Variants in LRRTM4 observed in about 807,000 individuals in gnomAD.
LRRTM4 encodes the protein leucine rich repeat transmembrane neuronal 4, also known as leucine-rich repeat transmembrane neuronal protein 4.
LRRTM4 carries 25 observed loss-of-function variants against 47.6 expected under a neutral mutation model. That is an observed-to-expected ratio of 0.53 (90% confidence interval 0.38 to 0.73). The LOEUF (loss-of-function observed/expected upper bound fraction) is 0.73, where lower values mean the gene tolerates loss of function less well. Among genes scored for constraint, LRRTM4 ranks in the 30% least tolerant of loss-of-function variants. LRRTM4 has a pLI of 0.00. For missense variants in LRRTM4, 638 were observed against 713.4 expected (o/e 0.89, Z 1.20); for synonymous variants, 311 against 269.5 (o/e 1.15, Z -1.51).
chr2:76,782,816 C>T lies in LRRTM4; in HGVS notation c.1552-33900G>A, dbSNP rs1386333503. The stretch of plus-strand genomic sequence containing the variant: ...TTGTTTAAGGGTCAACTGTTTAACA[C>T]CTACAAGTACATTACATTGATTTTA... On this transcript the variant is annotated intron_variant, in intron 3 of 3. Transcript: ENST00000409884. 2.6e-5 allele frequency among the ~76,000 whole-genome samples: 4 copies of T among 152,118 alleles called. No homozygotes were observed. The South Asian group carries it at 6.2e-4, about 24-fold the overall frequency.
intron 3 of LRRTM4, among the ~76,000 whole-genome samples, chr2:76,933,703 A>G (rs574522400): frequency 1.3e-5 from 2 of 152,250 alleles, no homozygotes; most frequent in South Asian, 2.1e-4. Context: ...TCTCAGTTAC[A>G]AGGTGTTGAC....
chr2:76,990,958 C>T (rs1235722161), intron 3 of LRRTM4, among the ~76,000 whole-genome samples: 4 of 151,522 alleles, frequency 2.6e-5, no homozygotes, highest in African/African-American at 9.7e-5. Flanking sequence ...ACTCTTGAAC[C>T]AAAGTGAAAC....
At chr2:76,807,411 T>TATACATATATATATATATACACAC (rs1484732120) in intron 3 of LRRTM4, among the ~76,000 whole-genome samples, 1 of 86,046 alleles carries the variant, frequency 1.2e-5, no homozygotes. Context: ...TATATACGTA[T>TATACATATATATATATATACACAC]ATATATATAT....
intron 3 of LRRTM4, among the ~76,000 whole-genome samples, chr2:76,816,751 T>TCTTC (rs534807917): frequency 9.0e-4 from 135 of 149,894 alleles, no homozygotes; most frequent in South Asian, 2.7e-3. Flanking sequence ...CCTTGTTTCC[T>TCTTC]CTTCCTTCTC....
intron 3 of LRRTM4, among the ~76,000 whole-genome samples, chr2:77,219,184 G>C (rs1025373625): frequency 1.3e-5 from 2 of 152,158 alleles, no homozygotes; most frequent in Admixed American, 1.3e-4. Flanking sequence ...AGTAGGGGGA[G>C]AGCTTCAACT....
chr2:77,108,303 A>C (rs990699697), intron 3 of LRRTM4, among the ~76,000 whole-genome samples: 8 of 152,078 alleles, frequency 5.3e-5, no homozygotes, highest in Admixed American at 5.2e-4. Flanking sequence ...GAAGAAAAGG[A>C]GAAGGAGTAG....
At chr2:77,234,779 G>A (rs1675059290) in intron 3 of LRRTM4, among the ~76,000 whole-genome samples, 1 of 152,022 alleles carries the variant, frequency 6.6e-6, no homozygotes, top group Admixed American at 6.6e-5. Flanking sequence ...TTTAGATTCG[G>A]GGGTATAAGT....
Position 76,841,174 on chromosome 2 carries a change from G to A in LRRTM4, c.1552-92258C>T, listed in dbSNP as rs55769492. On this transcript the variant is annotated intron_variant, in intron 3 of 3. Coordinates refer to ENST00000409884, the MANE Select transcript of LRRTM4 (RefSeq NM_001134745.3). ...ACCATTCTCAGCAAGCTATCGCAAG[G>A]ACAAAAAACCAAACACTGCATGTTC... is the stretch of plus-strand genomic sequence containing the variant. Among the ~76,000 whole-genome samples the A allele has an allele frequency of 2.1e-3, 319 of 150,590 alleles. 1 individual carries two copies. Among genetic ancestry groups the A allele is most frequent in the African/African-American group, 7.7e-3 (314 of 40,832 alleles).
chr2:76,816,819 G>GTTTTTTTTTTTTTTT (rs201525166), intron 3 of LRRTM4, among the ~76,000 whole-genome samples: 21 of 96,558 alleles, frequency 2.2e-4, no homozygotes, highest in Non-Finnish European at 3.5e-4. Context: ...GAGGTAAAGA[G>GTTTTTTTTTTTTTTT]TTTTTTTTTT....
chr2:76,990,731 G>A (rs543103870), intron 3 of LRRTM4, among the ~76,000 whole-genome samples: 1 of 151,646 alleles, frequency 6.6e-6, no homozygotes, highest in Non-Finnish European at 1.5e-5. Flanking sequence ...ATAGTGCATA[G>A]GCAGATCATT....
At chr2:76,966,735 T>C (rs1354400870) in intron 3 of LRRTM4, among the ~76,000 whole-genome samples, 1 of 151,526 alleles carries the variant, frequency 6.6e-6, no homozygotes, top group Non-Finnish European at 1.5e-5. Flanking sequence ...GACAATCTAA[T>C]TACCAATTCC....
chr2:77,371,602 T>C (rs1427661912), intron 3 of LRRTM4, among the ~76,000 whole-genome samples: 2 of 151,858 alleles, frequency 1.3e-5, no homozygotes, highest in Non-Finnish European at 2.9e-5. Flanking sequence ...TGACATAGAA[T>C]GAAGTGACCT....
chr2:77,517,391 G>GAATACATATT, intron 3 of LRRTM4: 4 of 983,314 alleles, frequency 4.1e-6, no homozygotes, highest in Non-Finnish European at 4.8e-6. Flanking sequence ...TTTTTAATAA[G>GAATACATATT]TTTAACAAGA....
intron 3 of LRRTM4, among the ~76,000 whole-genome samples, chr2:76,871,456 T>C (rs1471776198): frequency 5.3e-5 from 8 of 152,174 alleles, no homozygotes; most frequent in African/African-American, 1.9e-4. Flanking sequence ...CCACATTTTC[T>C]AGTCAAGACC....
Position 76,748,718 on chromosome 2 carries a change from A to G in LRRTM4, c.1750T>C (p.Tyr584His), listed in dbSNP as rs751408081. The part of the protein sequence containing the change: ...TIARSAAPAI[Y>H]LERIAN ...CGTTAGTTTGCAATTCTCTCTAGGT[A>G]GATGGCCGGTGCTGCCGACCTGGCG... is the stretch of plus-strand genomic sequence containing the variant. Residue 584 changes from tyrosine to histidine, a missense_variant, in exon 4 of 4, where the codon TAC becomes CAC. Transcript: ENST00000409884. The G allele has an allele frequency of 4.3e-6, 7 of 1,609,706 alleles. No homozygotes were observed. The Admixed American group carries it at 1.2e-4, about 27-fold the overall frequency.
rs59703273 is a variant in LRRTM4 at position 77,078,380 on chromosome 2, CCACACACA to C, written c.1552-329472_1552-329465del. ...ATATGTTTGTCTATTACACACACAC[CCACACACA>C]CACACACACACACACACACATGTTC... On this transcript the variant is annotated intron_variant, in intron 3 of 3. Transcript: ENST00000409884. 7.0e-3 allele frequency among the ~76,000 whole-genome samples: 971 copies of C among 139,346 alleles called. 2 individuals are homozygous for C. Among genetic ancestry groups the C allele is most frequent in the Non-Finnish European group, 0.012 (755 of 61,744 alleles). The allele number at this position is 139,346 out of a possible 152,430, so 91.4% of individuals were successfully genotyped here.
chr2:77,040,003 G>A (rs1159121288), intron 3 of LRRTM4, among the ~76,000 whole-genome samples: 3 of 151,060 alleles, frequency 2.0e-5, no homozygotes, highest in Non-Finnish European at 3.0e-5. Context: ...GTATGAGGAT[G>A]TATTTGTTAC....
At chr2:76,767,638 A>C (rs1673509239) in intron 3 of LRRTM4, among the ~76,000 whole-genome samples, 1 of 152,206 alleles carries the variant, frequency 6.6e-6, no homozygotes, top group Non-Finnish European at 1.5e-5. Context: ...GTAGCATTCA[A>C]GGCAAGTCTT....
chr2:77,021,106 C>CTATG (rs1339206642), intron 3 of LRRTM4, among the ~76,000 whole-genome samples: 1 of 117,400 alleles, frequency 8.5e-6, no homozygotes, highest in Admixed American at 8.7e-5. Context: ...ATCTATCTAT[C>CTATG]TATGTATCTA....
Sources: gnomAD v4.1 joint callset for allele counts (sites outside exome capture counted in the v4.1 genomes callset) on GRCh38, gnomAD v4.1.1 for gene constraint, MANE v1.5 for transcripts, NCBI Gene and HGNC (gene_info 2026-07-23, HGNC 2026-07-21) for gene names.